CAST: variants seen among roughly 807,000 people sequenced by gnomAD.
CAST encodes calpastatin.
CAST carries 76 observed loss-of-function variants against 119.6 expected under a neutral mutation model. That is an observed-to-expected ratio of 0.64 (90% CI 0.53 to 0.77). CAST has a LOEUF of 0.77. Ranked by LOEUF, CAST falls within the 30% of genes least tolerant of loss-of-function variation. The probability of loss-of-function intolerance (pLI) is 0.00; values close to 1 mark genes in which losing one functional copy is unlikely to be tolerated. For missense variants in CAST, 953 were observed against 946.5 expected, an observed-to-expected ratio of 1.01 and a Z score of -0.09; for synonymous variants, 319 against 331.6, an observed-to-expected ratio of 0.96 and a Z score of 0.41.
the CAST span, among the ~76,000 whole-genome samples, chr5:96,453,930 C>T: frequency 6.6e-6 from 1 of 152,188 alleles, no homozygotes; most frequent in Non-Finnish European, 1.5e-5. Context: ...AAATGATCTA[C>T]ATGCATCCAG....
At chr5:96,060,331 A>T in the CAST span, among the ~76,000 whole-genome samples, 1 of 152,144 alleles carries the variant, frequency 6.6e-6, no homozygotes, top group South Asian at 2.1e-4. Context: ...ATGAACAATA[A>T]ATGGCAAGTA....
At chr5:96,425,375 C>T in the CAST span, among the ~76,000 whole-genome samples, 23 of 152,156 alleles carry the variant, frequency 1.5e-4, no homozygotes, top group Non-Finnish European at 1.5e-4. Flanking sequence ...TTCTTTTAAC[C>T]TCTTTCAGAG....
chr5:96,763,561 A>G (rs10515246), intron 25 of CAST, among the ~76,000 whole-genome samples: 15,143 of 152,294 alleles, frequency 0.099, 981 homozygotes, highest in Middle Eastern at 0.16. Context: ...AGGTTTTACA[A>G]TGACACTTCT....
At chr5:96,671,623 A>T (rs1163680287) in intron 1 of CAST, among the ~76,000 whole-genome samples, 2 of 152,200 alleles carry the variant, frequency 1.3e-5, no homozygotes, top group East Asian at 3.8e-4. Context: ...AGAAGACCAC[A>T]TAGGAGATGC....
chr5:96,692,081 A>C (rs1752789841), intron 2 of CAST, among the ~76,000 whole-genome samples: 1 of 152,218 alleles, frequency 6.6e-6, no homozygotes, highest in Non-Finnish European at 1.5e-5. Context: ...GTGCAATATC[A>C]TATAAAAATG....
At chr5:96,064,226 A>G in the CAST span, among the ~76,000 whole-genome samples, 1 of 152,116 alleles carries the variant, frequency 6.6e-6, no homozygotes, top group Non-Finnish European at 1.5e-5. Context: ...TCTTGATGCT[A>G]TTGACCAGGT....
At chr5:96,024,630 T>C in the CAST span, among the ~76,000 whole-genome samples, 2 of 152,170 alleles carry the variant, frequency 1.3e-5, no homozygotes, top group Non-Finnish European at 2.9e-5. Flanking sequence ...GATAATAGTC[T>C]GTTACTAGGA....
intron 16 of CAST, among the ~76,000 whole-genome samples, chr5:96,745,482 T>A (rs1763572452): frequency 6.6e-6 from 1 of 152,252 alleles, no homozygotes; most frequent in Non-Finnish European, 1.5e-5. Context: ...TACAATTGTT[T>A]AAGAACCACA....
the CAST span, among the ~76,000 whole-genome samples, chr5:96,265,160 G>T: frequency 6.6e-6 from 1 of 152,160 alleles, no homozygotes; most frequent in East Asian, 1.9e-4. Flanking sequence ...TGAGAGTTCT[G>T]CTCTCTCCAC....
At chr5:96,197,914 A>G in the CAST span, among the ~76,000 whole-genome samples, 22 of 152,280 alleles carry the variant, frequency 1.4e-4, no homozygotes, top group East Asian at 3.9e-3. Flanking sequence ...GTGCACCACC[A>G]CACTTGGCTA....
the CAST span, among the ~76,000 whole-genome samples, chr5:96,469,182 A>G: frequency 2.0e-5 from 3 of 152,082 alleles, no homozygotes; most frequent in Non-Finnish European, 4.4e-5. Flanking sequence ...CAACTCAACC[A>G]CGGAGTGATT....
intron 5 of CAST, 119 bp downstream of exon 5, chr5:96,726,978 T>G: frequency 1.4e-6 from 1 of 707,170 alleles, no homozygotes; most frequent in Admixed American, 2.6e-5. Context: ...CATCATGGAC[T>G]TTCTGTAGGC....
chr5:96,192,462 G>A, the CAST span, among the ~76,000 whole-genome samples: 9 of 152,124 alleles, frequency 5.9e-5, no homozygotes, highest in South Asian at 2.1e-4. Context: ...AGGAATAAAC[G>A]ATCTCATTGG....
chr5:96,099,135 G>A, the CAST span, among the ~76,000 whole-genome samples: 6 of 152,230 alleles, frequency 3.9e-5, no homozygotes, highest in East Asian at 1.2e-3. Context: ...GACTGTTGTT[G>A]GTGTATAGGA....
At position 96,564,210 on chromosome 5, in the gene CAST, G is replaced by A. The variant is rs6891781; in HGVS notation, c.60+34330G>A. ...ATTTTATAGGAAATAGGTACAGTGA[G>A]GAATCCTTTTATGCCCGACCAACTG... On this transcript the variant is annotated intron_variant, in intron 1 of 11. Transcript: ENST00000505143. Among the ~76,000 whole-genome samples the A allele has an allele frequency of 6.8e-3, 1,030 of 152,292 alleles. 16 individuals are homozygous for A. The highest frequency in any genetic ancestry group is 0.024 in the African/African-American group (992 of 41,558).
At chr5:96,452,786 T>C in the CAST span, among the ~76,000 whole-genome samples, 2 of 140,366 alleles carry the variant, frequency 1.4e-5, no homozygotes, top group Non-Finnish European at 3.1e-5. Context: ...CCGTCTCTAC[T>C]AAAAATACAA....
intron 1 of CAST, among the ~76,000 whole-genome samples, chr5:96,629,916 C>G (rs1747794599): frequency 6.6e-6 from 1 of 152,162 alleles, no homozygotes; most frequent in Non-Finnish European, 1.5e-5. Context: ...CAGATTTAAA[C>G]CACAGCCAAG....
chr5:96,635,070 C>T (rs1172677869), intron 1 of CAST, among the ~76,000 whole-genome samples: 1 of 152,168 alleles, frequency 6.6e-6, no homozygotes, highest in African/African-American at 2.4e-5. Context: ...ACCTTGAACA[C>T]TGGGTAGAAC....
chr5:96,446,179 C>CA, the CAST span, among the ~76,000 whole-genome samples: 24,748 of 113,916 alleles, frequency 0.22, 3,537 homozygotes, highest in African/African-American at 0.44. Context: ...TTTTAGTGTA[C>CA]AAAAAAAAAA....
Sources: gnomAD v4.1 joint callset for allele counts (sites outside exome capture counted in the v4.1 genomes callset) on GRCh38, gnomAD v4.1.1 for gene constraint, MANE v1.5 for transcripts, NCBI Gene and HGNC (gene_info 2026-07-23, HGNC 2026-07-21) for gene names.